Variants in ANO1 observed in about 807,000 individuals in gnomAD.
The protein encoded by ANO1 is anoctamin-1.
A neutral mutation model predicts 124.0 loss-of-function variants in ANO1; 59 were observed. The observed-to-expected ratio is 0.48, with a 90% CI of 0.39 to 0.59. ANO1 has a LOEUF of 0.59. Ranked by LOEUF, ANO1 falls within the 20% of genes least tolerant of loss-of-function variation. ANO1 has a pLI of 0.00. For synonymous variants in ANO1, 529 were observed against 532.0 expected (o/e 0.99, Z 0.08); for missense variants, 1,059 against 1,328.0 (o/e 0.80, Z 3.15).
At chr11:70,100,842 T>G (rs1259568168) in intron 2 of ANO1, among the ~76,000 whole-genome samples, 1 of 152,184 alleles carries the variant, frequency 6.6e-6, no homozygotes, top group Non-Finnish European at 1.5e-5. Context: ...CTATTACTAT[T>G]ACTGTATTAT....
upstream of ANO1, among the ~76,000 whole-genome samples, chr11:69,983,394 T>C (rs1855974924): frequency 6.6e-6 from 1 of 152,208 alleles, no homozygotes; most frequent in Non-Finnish European, 1.5e-5. Flanking sequence ...TGCTGTGTGA[T>C]TACTGTATTC....
At chr11:69,982,570 A>G (rs1452366020), upstream of ANO1, among the ~76,000 whole-genome samples, 1 of 152,230 alleles carries the variant, frequency 6.6e-6, no homozygotes, top group Non-Finnish European at 1.5e-5. Context: ...TTGGGCTGGA[A>G]GCTGAATTCT....
intron 1 of ANO1, among the ~76,000 whole-genome samples, chr11:70,025,748 G>A (rs1455502147): frequency 1.6e-4 from 24 of 151,146 alleles, no homozygotes; most frequent in Admixed American, 1.5e-3. Flanking sequence ...TGATGATGAT[G>A]ATGGTGGTGG....
chr11:69,983,744 C>T (rs1293495013), upstream of ANO1, among the ~76,000 whole-genome samples: 2 of 152,160 alleles, frequency 1.3e-5, no homozygotes, highest in Admixed American at 1.3e-4. Flanking sequence ...CACTTTTAAA[C>T]GTCTGGGTCT....
At chr11:70,069,719 G>A (rs530672560) in intron 1 of ANO1, among the ~76,000 whole-genome samples, 27 of 152,128 alleles carry the variant, frequency 1.8e-4, no homozygotes, top group South Asian at 1.5e-3. Context: ...CGTTAGAGGC[G>A]GGGCAGGCAG....
At position 70,165,515 on chromosome 11, in the gene ANO1, A is replaced by G. The variant is rs1186237960; in HGVS notation, c.1996A>G (p.Ile666Val). 6.2e-7 allele frequency: 1 copy of G among 1,612,296 alleles called. No homozygotes were observed. The highest frequency in any genetic ancestry group is 8.5e-7 in the Non-Finnish European group (1 of 1,179,394). ...CLMELCIQLS[I>V]IMLGKQLIQN... ...GATGGAGCTATGCATCCAGCTCAGC[A>G]TCATCATGCTGGGGAAACAGCTGAT... The change falls in exon 20 of 26, where the codon ATC (isoleucine) becomes GTC (valine). Residue 666 changes from isoleucine to valine, a missense_variant. By Grantham distance (29) the Ile-to-Val change is conservative. Coordinates refer to ENST00000355303, the MANE Select transcript of ANO1 (RefSeq NM_018043.7).
At chr11:69,992,470 T>C (rs879968610) in intron 1 of ANO1, among the ~76,000 whole-genome samples, 2 of 152,198 alleles carry the variant, frequency 1.3e-5, no homozygotes, top group Admixed American at 6.5e-5. Context: ...ATGTGCCTAA[T>C]TTCCCACCTC....
intron 1 of ANO1, among the ~76,000 whole-genome samples, chr11:70,025,584 G>C (rs1380351260): frequency 1.3e-5 from 2 of 150,736 alleles, no homozygotes; most frequent in South Asian, 2.1e-4. Flanking sequence ...GATGGAGGTA[G>C]TGATGACAGT....
chr11:70,070,546 G>C lies in ANO1; in HGVS notation c.59-7996G>C, dbSNP rs149993466. Among the ~76,000 whole-genome samples the C allele has an allele frequency of 3.0e-3, 457 of 152,254 alleles. 6 individuals are homozygous for C. The highest frequency in any genetic ancestry group is 0.01 in the African/African-American group (435 of 41,546). ...AATAATATAAAAGTTAGTCATGACG[G>C]GTGCCTGTAATCCCAGCTACTTGGA... is the stretch of plus-strand genomic sequence containing the variant. On this transcript the variant is annotated intron_variant, in intron 1 of 27. Transcript: ENST00000531349.
In ANO1 at chr11:70,148,010, T is replaced by C. The variant is rs145143947; in HGVS notation, c.1259-1700T>C. 1.6e-3 allele frequency among the ~76,000 whole-genome samples: 244 copies of C among 152,260 alleles called. 2 individuals are homozygous for C. Among genetic ancestry groups the C allele is most frequent in the African/African-American group, 5.8e-3 (239 of 41,552 alleles). On this transcript the variant is annotated intron_variant, in intron 11 of 25. Coordinates refer to ENST00000355303, the MANE Select transcript of ANO1 (RefSeq NM_018043.7). ...GCTGGGCCGGCCGATACAGTAGCCA[T>C]CCTAGACAAACCCGTGCATCCTTGG...
At chr11:70,095,287 GGAAGGAAGGAAGGAAAGAAA>G (rs746686086) in intron 2 of ANO1, among the ~76,000 whole-genome samples, 5,422 of 80,730 alleles carry the variant, frequency 0.067, 635 homozygotes, top group Middle Eastern at 0.092. Context: ...AAGGAAGGAA[GGAAGGAAGGAAGGAAAGAAA>G]GAAAGAAAGA....
chr11:70,150,352 CCCCTGGGAT>C (rs1590863874), intron 12 of ANO1, among the ~76,000 whole-genome samples: 1 of 152,284 alleles, frequency 6.6e-6, no homozygotes, highest in East Asian at 1.9e-4. Flanking sequence ...TATTACGTAG[CCCCTGGGAT>C]GCCAGGTGAA....
chr11:69,968,109 C>A, the ANO1 span, among the ~76,000 whole-genome samples: 1 of 152,238 alleles, frequency 6.6e-6, no homozygotes, highest in East Asian at 1.9e-4. Context: ...CAAGGTTTAT[C>A]GAGTGAATGA....
chr11:70,120,902 T>C (rs1051994471), intron 8 of ANO1, among the ~76,000 whole-genome samples: 1 of 152,126 alleles, frequency 6.6e-6, no homozygotes, highest in African/African-American at 2.4e-5. Flanking sequence ...CCCCCATGGC[T>C]GGACGCCCCC....
At chr11:69,982,842 G>A (rs1554996387), upstream of ANO1, among the ~76,000 whole-genome samples, 2 of 152,156 alleles carry the variant, frequency 1.3e-5, no homozygotes, top group African/African-American at 4.8e-5. Flanking sequence ...GGCATTCAAA[G>A]AGCCAAGCCG....
In ANO1 at chr11:70,027,410, G is replaced by A. The variant is rs1856925981; in HGVS notation, c.58+41244G>A. 3.3e-5 allele frequency among the ~76,000 whole-genome samples: 5 copies of A among 152,228 alleles called. No homozygotes were observed. In the South Asian group the frequency reaches 1.0e-3, roughly 31 times the overall value. On this transcript the variant is annotated intron_variant, in intron 1 of 27. Transcript: ENST00000531349. ...ACTGGAAGTGAAAAACAGAATGTTT[G>A]TGTGGGTACCCGAGGTACAGTTTCT...
intron 13 of ANO1, 48 bp from the exon 14 acceptor site, chr11:70,153,009 A>C: frequency 1.3e-6 from 2 of 1,536,424 alleles, no homozygotes; most frequent in Non-Finnish European, 1.8e-6. Flanking sequence ...TGAGGAGCTC[A>C]GACTCAAAAT....
intron 23 of ANO1, among the ~76,000 whole-genome samples, chr11:70,182,126 C>T (rs965705364): frequency 3.3e-5 from 5 of 152,052 alleles, no homozygotes; most frequent in Non-Finnish European, 7.4e-5. Context: ...AGCCCAGAGG[C>T]ACAGTGCATA....
intron 2 of ANO1, among the ~76,000 whole-genome samples, chr11:70,090,329 C>A (rs1459839428): frequency 1.3e-5 from 2 of 152,156 alleles, no homozygotes; most frequent in East Asian, 3.9e-4. Flanking sequence ...ATTTTACACT[C>A]CATCCTCATT....
Sources: allele counts gnomAD v4.1 joint callset (sites outside exome capture counted in the v4.1 genomes callset), GRCh38; gene constraint gnomAD v4.1.1; transcripts MANE v1.5; gene names NCBI Gene and HGNC (gene_info 2026-07-23, HGNC 2026-07-21).